Variants in OR51B5 observed in about 807,000 individuals in gnomAD.
The protein encoded by OR51B5 is olfactory receptor 51B5.
For missense variants in OR51B5, 456 were observed against 374.6 expected (o/e 1.22, Z -1.79); for synonymous variants, 186 against 144.8 (o/e 1.28, Z -2.04).
intron 1 of OR51B5, among the ~76,000 whole-genome samples, chr11:5,362,386 A>G (rs4910768): frequency 0.38 from 57,798 of 152,166 alleles, 11,214 homozygotes; most frequent in Non-Finnish European, 0.41. Flanking sequence ...GTATTTGTAG[A>G]TCAGATGATC....
intron 1 of OR51B5, among the ~76,000 whole-genome samples, chr11:5,396,964 T>A (rs1330103946): frequency 6.6e-6 from 1 of 152,254 alleles, no homozygotes; most frequent in Non-Finnish European, 1.5e-5. Flanking sequence ...AAGGATTCCC[T>A]GTTTAATAAA....
At chr11:5,424,356 A>AC (rs1465497290) in intron 1 of OR51B5, among the ~76,000 whole-genome samples, 1 of 150,858 alleles carries the variant, frequency 6.6e-6, no homozygotes, top group African/African-American at 2.4e-5. Flanking sequence ...AAACAAACAA[A>AC]AAACAAACAA....
intron 1 of OR51B5, among the ~76,000 whole-genome samples, chr11:5,370,780 C>G (rs560101311): frequency 1.3e-5 from 2 of 152,164 alleles, no homozygotes; most frequent in East Asian, 3.9e-4. Context: ...CCTCATATAG[C>G]TGCTATGAAA....
intron 1 of OR51B5, among the ~76,000 whole-genome samples, chr11:5,456,886 TG>T (rs995006769): frequency 3.9e-4 from 60 of 152,286 alleles, no homozygotes; most frequent in African/African-American, 1.4e-3. Flanking sequence ...TCATGAAGTC[TG>T]GTTGTTTAAA....
At chr11:5,341,871 G>T (rs1205420051), downstream of OR51B5, among the ~76,000 whole-genome samples, 1 of 152,156 alleles carries the variant, frequency 6.6e-6, no homozygotes, top group Non-Finnish European at 1.5e-5. Context: ...AAGATAGAAG[G>T]AGGTACTGAC....
At chr11:5,497,714 G>A (rs938821080) in intron 1 of OR51B5, among the ~76,000 whole-genome samples, 3 of 152,116 alleles carry the variant, frequency 2.0e-5, no homozygotes, top group African/African-American at 4.8e-5. Flanking sequence ...ACAACTACAG[G>A]TGGCTAAACT....
chr11:5,340,397 T>C (rs2133674580), downstream of OR51B5: 1 of 152,252 alleles, frequency 6.6e-6, no homozygotes, highest in South Asian at 2.1e-4. Flanking sequence ...TAGTTTGAAG[T>C]CACTTGCCTG....
At chr11:5,428,311 A>G (rs973635513) in intron 1 of OR51B5, among the ~76,000 whole-genome samples, 2 of 152,186 alleles carry the variant, frequency 1.3e-5, no homozygotes, top group Non-Finnish European at 2.9e-5. Context: ...CAGTGCACAT[A>G]AAAGTTATGT....
intron 1 of OR51B5, chr11:5,390,137 C>T (rs769876897): frequency 8.7e-6 from 14 of 1,613,668 alleles, no homozygotes; most frequent in African/African-American, 1.3e-5. Flanking sequence ...AGAGGAGCAG[C>T]GCCGTGCCTT....
intron 1 of OR51B5, among the ~76,000 whole-genome samples, chr11:5,428,762 G>C (rs899288858): frequency 1.3e-5 from 2 of 152,212 alleles, no homozygotes; most frequent in Non-Finnish European, 2.9e-5. Context: ...TTAGTTTATA[G>C]TTTAACTTAG....
intron 1 of OR51B5, among the ~76,000 whole-genome samples, chr11:5,365,465 C>T (rs1295876112): frequency 6.6e-6 from 1 of 151,948 alleles, no homozygotes; most frequent in Non-Finnish European, 1.5e-5. Flanking sequence ...GAAAAGGTAA[C>T]CCAATTCTGG....
intron 1 of OR51B5, chr11:5,354,988 G>A (rs941955852): frequency 1.2e-5 from 2 of 161,242 alleles, no homozygotes; most frequent in African/African-American, 2.4e-5. Flanking sequence ...TGGTGAGAAA[G>A]GTGATGTGCT....
intron 1 of OR51B5, among the ~76,000 whole-genome samples, chr11:5,353,009 G>T (rs1484073124): frequency 1.3e-5 from 2 of 151,460 alleles, no homozygotes; most frequent in Non-Finnish European, 2.9e-5. Context: ...TATTAGTCCT[G>T]TTATACATAG....
At chr11:5,440,604 C>T in intron 1 of OR51B5, 3 of 1,613,460 alleles carry the variant, frequency 1.9e-6, no homozygotes, top group Non-Finnish European at 2.5e-6. Context: ...CTTGAGAATC[C>T]CTTTGCGGAT....
chr11:5,505,538 T>C (rs1846360003), intron 1 of OR51B5: 1 of 1,159,164 alleles, frequency 8.6e-7, no homozygotes, highest in African/African-American at 1.6e-5. Flanking sequence ...GACTGGGCAA[T>C]TTATAAAAGA....
chr11:5,484,588 T>C (rs1851473744), intron 1 of OR51B5, among the ~76,000 whole-genome samples: 1 of 152,196 alleles, frequency 6.6e-6, no homozygotes, highest in Non-Finnish European at 1.5e-5. Flanking sequence ...CAATGCATTA[T>C]GATAATATCT....
At chr11:5,422,040 C>CAT (rs1462368294) in intron 1 of OR51B5, 3 of 612,512 alleles carry the variant, frequency 4.9e-6, no homozygotes, top group Admixed American at 3.1e-5. Context: ...GAAAGGATAT[C>CAT]ATATATCACA....
intron 1 of OR51B5, among the ~76,000 whole-genome samples, chr11:5,465,185 G>A (rs1438250874): frequency 3.7e-4 from 39 of 104,148 alleles, no homozygotes; most frequent in Admixed American, 1.7e-3. Context: ...CAGCCTGGGC[G>A]ACAGAGCGAG....
chr11:5,412,335 TC>T (rs759237342), intron 1 of OR51B5, among the ~76,000 whole-genome samples: 70 of 152,144 alleles, frequency 4.6e-4, no homozygotes, highest in Non-Finnish European at 7.8e-4. Flanking sequence ...TAGGAACAGG[TC>T]CAGTCTACAG....
Sources: gnomAD v4.1 joint callset for allele counts (sites outside exome capture counted in the v4.1 genomes callset) on GRCh38, gnomAD v4.1.1 for gene constraint, MANE v1.5 for transcripts, NCBI Gene and HGNC (gene_info 2026-07-23, HGNC 2026-07-21) for gene names.